The following ADCY7 variants were observed in gnomAD, a reference collection of about 807,000 sequenced individuals.
ADCY7 encodes the protein adenylate cyclase type 7.
Under a neutral mutation model 120.6 loss-of-function variants are expected in ADCY7, and 72 were observed. The ratio of observed to expected loss-of-function variants is 0.60; its 90% confidence interval spans 0.49 to 0.73. The LOEUF is 0.73. Among genes scored for constraint, ADCY7 ranks in the 30% least tolerant of loss-of-function variants. The probability of loss-of-function intolerance (pLI) is 0.00; values close to 1 mark genes in which losing one functional copy is unlikely to be tolerated. For synonymous variants in ADCY7, 661 were observed against 628.0 expected (o/e 1.05, Z -0.78); for missense variants, 1,227 against 1,486.0 (o/e 0.83, Z 2.87).
At chr16:50,245,734 G>C (rs927912778), upstream of ADCY7, among the ~76,000 whole-genome samples, 1 of 152,096 alleles carries the variant, frequency 6.6e-6, no homozygotes, top group Non-Finnish European at 1.5e-5. Context: ...CCAGAAACAC[G>C]GGCGCTCCTG....
intron 1 of ADCY7, among the ~76,000 whole-genome samples, chr16:50,246,756 C>A (rs1471182821): frequency 1.3e-5 from 2 of 152,232 alleles, no homozygotes; most frequent in Non-Finnish European, 2.9e-5. Flanking sequence ...GCCTCGGACC[C>A]CAACCGGGAA....
chr16:50,294,797 C>A, intron 7 of ADCY7, 46 bp downstream of exon 7: 1 of 1,355,076 alleles, frequency 7.4e-7, no homozygotes, highest in African/African-American at 1.4e-5. Context: ...CCCTCCCCTG[C>A]CTATTACACC....
rs755274583 is a variant in ADCY7 at position 50,307,059 on chromosome 16, G to A, written c.1762G>A (p.Ala588Thr). The A allele has an allele frequency of 6.2e-7, 1 of 1,607,544 alleles. No homozygotes were observed. The highest frequency in any genetic ancestry group is 8.5e-7 in the Non-Finnish European group (1 of 1,179,760). The change falls in exon 15 of 26, where the codon GCA becomes ACA. Residue 588 changes from alanine (A) to threonine (T), a missense_variant. Around this residue, in one of 5 missense-constraint regions of ADCY7, gnomAD observed 332 missense variants for 455.8 expected, o/e 0.73. Coordinates refer to ENST00000673801, the MANE Select transcript of ADCY7 (RefSeq NM_001114.5). The part of the protein sequence containing the change: ...EKGFEREYRL[A>T]PIPRARHDFA... ...TCCCTGCTGCCCCCAGTACCGCCTG[G>A]CACCCATCCCCCGGGCCCGCCACGA...
chr16:50,292,512 T>TCTGG (rs2035052633), intron 4 of ADCY7, 164 bp from the exon 5 acceptor site: 1 of 815,982 alleles, frequency 1.2e-6, no homozygotes, highest in Non-Finnish European at 1.9e-6. Context: ...CTAGCTCCTG[T>TCTGG]CTGGGCCTCA....
chr16:50,313,210 A>C lies in ADCY7; in HGVS notation c.2751+174A>C, dbSNP rs559182813. 3.4e-4 allele frequency: 258 copies of C among 749,170 alleles called. 1 individual carries two copies. Among genetic ancestry groups the C allele is most frequent in the Non-Finnish European group, 4.5e-4 (222 of 490,392 alleles). 46.4% of individuals were successfully genotyped at this position (749,170 alleles called of 1,614,324 possible). ...GGTGGGTGGATCACTTGAGGCTAGG[A>C]GTTCGAGACCAGCCTGGCCAACATG... On this transcript the variant is annotated intron_variant, in intron 22 of 25. Transcript: ENST00000673801.
At chr16:50,305,975 C>T in intron 14 of ADCY7, 126 bp downstream of exon 14, 1 of 908,624 alleles carries the variant, frequency 1.1e-6, no homozygotes, top group Non-Finnish European at 1.7e-6. Context: ...ACTGAGAATC[C>T]ACAGCTGCTC....
chr16:50,259,096 C>T (rs549460855), intron 1 of ADCY7, among the ~76,000 whole-genome samples: 1 of 152,182 alleles, frequency 6.6e-6, no homozygotes, highest in South Asian at 2.1e-4. Context: ...AATTGAAAAG[C>T]AGATCTAAAC....
intron 1 of ADCY7, chr16:50,246,207 A>T (rs1158206758): frequency 6.7e-6 from 1 of 149,122 alleles, no homozygotes; most frequent in South Asian, 1.9e-4. Flanking sequence ...GCAGCAGGTG[A>T]GCGCGGGGCG....
upstream of ADCY7, among the ~76,000 whole-genome samples, chr16:50,262,154 A>C (rs2033075568): frequency 6.6e-6 from 1 of 151,966 alleles, no homozygotes; most frequent in Non-Finnish European, 1.5e-5. Context: ...TGACTGTTTC[A>C]TGGCCTCATC....
chr16:50,308,485 G>A, intron 16 of ADCY7, 74 bp downstream of exon 16: 1 of 1,600,154 alleles, frequency 6.2e-7, no homozygotes, highest in East Asian at 2.2e-5. Context: ...CCTCCCTGGT[G>A]AGCTTGGCTG....
chr16:50,262,668 C>T (rs1358088736), upstream of ADCY7, among the ~76,000 whole-genome samples: 1 of 152,170 alleles, frequency 6.6e-6, no homozygotes, highest in Non-Finnish European at 1.5e-5. Flanking sequence ...TGATGGGCAC[C>T]TCTTACCTCC....
In ADCY7 at chr16:50,293,361, T is replaced by G. The variant is rs1567557466; in HGVS notation, c.695T>G (p.Leu232Arg). The G allele has an allele frequency of 6.2e-7, 1 of 1,613,016 alleles. No individual in the cohort carries two copies. The part of the protein sequence containing the change: ...LRIEKRQQEN[L>R]LLSVLPAHIS... ...CTGCCCACCCACACCCAGGAGAACC[T>G]GCTGCTGTCAGTGCTTCCGGCCCAC... The change falls in exon 6 of 26, where the codon CTG (leucine) becomes CGG (arginine). Residue 232 changes from leucine to arginine, a missense_variant. Transcript: ENST00000673801.
chr16:50,293,309 G>A (rs898821869), intron 5 of ADCY7, 45 bp from the exon 6 acceptor site: 4 of 1,596,396 alleles, frequency 2.5e-6, no homozygotes, highest in East Asian at 2.2e-5. Flanking sequence ...TCCCTCCGCC[G>A]GTCGCTTTGC....
At chr16:50,262,382 C>T (rs747741635), upstream of ADCY7, among the ~76,000 whole-genome samples, 23 of 152,012 alleles carry the variant, frequency 1.5e-4, no homozygotes, top group Non-Finnish European at 2.1e-4. Flanking sequence ...CTCAGCCTCC[C>T]GAGTAGCTGG....
chr16:50,248,188 C>CCGACCA (rs1255997447), intron 1 of ADCY7, among the ~76,000 whole-genome samples: 1 of 152,186 alleles, frequency 6.6e-6, no homozygotes, highest in African/African-American at 2.4e-5. Flanking sequence ...TGGTGAGTGC[C>CCGACCA]CGACCACGGG....
At chr16:50,311,133 T>TC (rs2036431515) in intron 19 of ADCY7, among the ~76,000 whole-genome samples, 3 of 152,140 alleles carry the variant, frequency 2.0e-5, no homozygotes, top group African/African-American at 7.2e-5. Context: ...AGGCTGCAGC[T>TC]CTAGCTCTGT....
chr16:50,272,324 T>TCTTCCTGCCCTCCAGGGTGCC (rs1460723409), intron 1 of ADCY7, among the ~76,000 whole-genome samples: 2 of 152,112 alleles, frequency 1.3e-5, no homozygotes, highest in Non-Finnish European at 2.9e-5. Flanking sequence ...GGCCCCAGGC[T>TCTTCCTGCCCTCCAGGGTGCC]CTTCCTGCCC....
At position 50,316,420 on chromosome 16, in the gene ADCY7, G is replaced by A. The variant is rs56018511; in HGVS notation, c.*915G>A. 0.016 allele frequency: 2,484 copies of A among 152,432 alleles called. 38 individuals are homozygous for A. The highest frequency in any genetic ancestry group is 0.023 in the Non-Finnish European group (1,555 of 68,018). 9.4% of individuals were successfully genotyped at this position (152,432 alleles called of 1,614,324 possible). On this transcript the variant is annotated 3_prime_UTR_variant, in exon 26 of 26. Transcript: ENST00000673801. ...TCCTTGATTACTCACACATCTTTGC[G>A]TTCTCCCCTGCCGTCCTTCAACTGT...
chr16:50,289,200 TTTG>T (rs1401901271), intron 2 of ADCY7: 1 of 321,116 alleles, frequency 3.1e-6, no homozygotes, highest in Non-Finnish European at 6.1e-6. Flanking sequence ...TTGTTTTTTT[TTTG>T]TTTGTTTGTT....
Sources: allele counts gnomAD v4.1 joint callset (sites outside exome capture counted in the v4.1 genomes callset), GRCh38; gene constraint gnomAD v4.1.1; regional missense constraint gnomAD v4.1.1; transcripts MANE v1.5; gene names NCBI Gene and HGNC (gene_info 2026-07-23, HGNC 2026-07-21).